Variants in FGF14 observed in about 807,000 individuals in gnomAD.
The protein encoded by FGF14 is fibroblast growth factor 14, also known as fibroblast growth factor homologous factor 4.
In FGF14, 5 loss-of-function variants were observed where a neutral mutation model predicts 25.5. The observed-to-expected ratio is 0.20, with a 90% CI of 0.10 to 0.41. The LOEUF is 0.41. FGF14 is among the 10% of genes least tolerant of loss of function. FGF14 has a pLI of 1.00. For missense variants in FGF14, 222 were observed against 320.1 expected (o/e 0.69, Z 2.34); for synonymous variants, 138 against 118.3 (o/e 1.17, Z -1.08).
chr13:102,307,662 G>A (rs976155239), intron 1 of FGF14, among the ~76,000 whole-genome samples: 4 of 152,138 alleles, frequency 2.6e-5, no homozygotes, highest in African/African-American at 9.7e-5. Flanking sequence ...GTACATGTAT[G>A]TTAGGATGTG....
chr13:102,285,719 A>T (rs1223199943), intron 1 of FGF14, among the ~76,000 whole-genome samples: 1 of 152,258 alleles, frequency 6.6e-6, no homozygotes, highest in East Asian at 1.9e-4. Flanking sequence ...ATCAGTACCC[A>T]GCACTGTTCT....
intron 1 of FGF14, chr13:102,017,182 G>T: frequency 3.6e-6 from 1 of 277,682 alleles, no homozygotes; most frequent in Admixed American, 3.7e-5. Flanking sequence ...GGGTAGAAGT[G>T]TATTCTCCAG....
At chr13:102,114,761 T>G (rs757815448) in intron 1 of FGF14, among the ~76,000 whole-genome samples, 7 of 152,130 alleles carry the variant, frequency 4.6e-5, no homozygotes, top group Non-Finnish European at 8.8e-5. Flanking sequence ...TCCACTCATC[T>G]GAGATATCTA....
intron 1 of FGF14, among the ~76,000 whole-genome samples, chr13:101,993,499 C>G (rs2039015660): frequency 6.6e-6 from 1 of 151,780 alleles, no homozygotes; most frequent in Non-Finnish European, 1.5e-5. Flanking sequence ...TTTTTAGCAA[C>G]AAATAGATGA....
At chr13:102,188,569 G>T (rs1004520056) in intron 1 of FGF14, among the ~76,000 whole-genome samples, 5 of 152,212 alleles carry the variant, frequency 3.3e-5, no homozygotes, top group Non-Finnish European at 7.4e-5. Flanking sequence ...CTGGCAGAGG[G>T]CTAGTGCTAA....
intron 3 of FGF14, among the ~76,000 whole-genome samples, chr13:101,803,325 TCA>T (rs910016002): frequency 9.9e-5 from 15 of 151,924 alleles, no homozygotes; most frequent in Non-Finnish European, 1.5e-4. Context: ...ATTGGGGGTC[TCA>T]CTATGTTGCC....
At chr13:102,037,348 C>A (rs1209335479) in intron 1 of FGF14, among the ~76,000 whole-genome samples, 1 of 152,074 alleles carries the variant, frequency 6.6e-6, no homozygotes, top group African/African-American at 2.4e-5. Context: ...TGTTTCCTGA[C>A]CTTTTCTGGT....
At chr13:102,320,996 T>C (rs970732678) in intron 1 of FGF14, among the ~76,000 whole-genome samples, 6 of 152,194 alleles carry the variant, frequency 3.9e-5, no homozygotes, top group Admixed American at 3.3e-4. Flanking sequence ...ATTTATAACC[T>C]GGGTAGCTGG....
intron 1 of FGF14, among the ~76,000 whole-genome samples, chr13:102,275,067 A>G (rs1419206550): frequency 6.6e-6 from 1 of 152,022 alleles, no homozygotes; most frequent in Non-Finnish European, 1.5e-5. Flanking sequence ...CTAGGACAGA[A>G]TCTTAGCACA....
intron 1 of FGF14, among the ~76,000 whole-genome samples, chr13:102,128,368 T>C (rs1404342085): frequency 6.6e-6 from 1 of 152,204 alleles, no homozygotes; most frequent in African/African-American, 2.4e-5. Flanking sequence ...TGGACAAATA[T>C]GCCTGTGGCT....
chr13:102,154,240 G>T (rs1178962482), intron 1 of FGF14, among the ~76,000 whole-genome samples: 1 of 151,960 alleles, frequency 6.6e-6, no homozygotes, highest in Non-Finnish European at 1.5e-5. Context: ...TGAAATGAAG[G>T]AAAAAATGTT....
intron 1 of FGF14, among the ~76,000 whole-genome samples, chr13:102,255,124 C>T (rs2052374712): frequency 6.6e-6 from 1 of 152,182 alleles, no homozygotes; most frequent in South Asian, 2.1e-4. Context: ...ATGCAGACCA[C>T]CTCAAAATTT....
intron 1 of FGF14, among the ~76,000 whole-genome samples, chr13:102,163,195 G>A (rs930034131): frequency 6.6e-6 from 1 of 152,096 alleles, no homozygotes; most frequent in Non-Finnish European, 1.5e-5. Flanking sequence ...TGTCATAGAT[G>A]AATTATACCT....
At chr13:102,042,898 A>G (rs2041810091) in intron 1 of FGF14, among the ~76,000 whole-genome samples, 1 of 152,188 alleles carries the variant, frequency 6.6e-6, no homozygotes, top group South Asian at 2.1e-4. Context: ...GTATTGTAGA[A>G]TATGCAGTAC....
intron 1 of FGF14, among the ~76,000 whole-genome samples, chr13:101,945,279 T>C (rs1356471542): frequency 6.6e-6 from 1 of 152,104 alleles, no homozygotes; most frequent in Non-Finnish European, 1.5e-5. Flanking sequence ...GATCGTGCCA[T>C]TGCACTCCAG....
At chr13:101,745,213 A>T (rs1344287499) in intron 3 of FGF14, among the ~76,000 whole-genome samples, 1 of 152,004 alleles carries the variant, frequency 6.6e-6, no homozygotes, top group Non-Finnish European at 1.5e-5. Context: ...TTTAATAGAG[A>T]AGTTTTAAAT....
rs1276574957 is a variant in FGF14 at position 101,762,969 on chromosome 13, T to C, written c.409-36159A>G. On this transcript the variant is annotated intron_variant, in intron 3 of 4. Coordinates refer to ENST00000376143, the MANE Select transcript of FGF14 (RefSeq NM_004115.4). ...TGCTGCACCAAACACACACCCTGCC[T>C]CCAGCATCCAGCCTTCAGCCCCATC... Among the ~76,000 whole-genome samples the C allele has an allele frequency of 2.0e-5, 3 of 152,138 alleles. No individual in the cohort carries two copies. In the East Asian group the frequency reaches 5.8e-4, roughly 29 times the overall value.
intron 1 of FGF14, among the ~76,000 whole-genome samples, chr13:102,149,337 TTAAG>T (rs1210690017): frequency 1.3e-5 from 2 of 152,028 alleles, no homozygotes; most frequent in African/African-American, 2.4e-5. Context: ...AAAAGAAAGG[TTAAG>T]TAAGTTTAAG....
At chr13:101,816,214 G>A (rs371784834) in intron 3 of FGF14, among the ~76,000 whole-genome samples, 2 of 147,164 alleles carry the variant, frequency 1.4e-5, no homozygotes, top group Non-Finnish European at 3.0e-5. Context: ...AGCTTGCAGT[G>A]AGCCGAGATC....
Sources: gnomAD v4.1 joint callset for allele counts (sites outside exome capture counted in the v4.1 genomes callset) on GRCh38, gnomAD v4.1.1 for gene constraint, MANE v1.5 for transcripts, NCBI Gene and HGNC (gene_info 2026-07-23, HGNC 2026-07-21) for gene names.